The following NRXN1 variants were observed in gnomAD, a reference collection of about 807,000 sequenced individuals.
The protein encoded by NRXN1 is neurexin-1.
NRXN1 carries 39 observed loss-of-function variants against 150.9 expected under a neutral mutation model. The ratio of observed to expected loss-of-function variants is 0.26; its 90% CI spans 0.20 to 0.34. The LOEUF is 0.34. NRXN1 is among the 10% of genes least tolerant of loss of function. The probability of loss-of-function intolerance (pLI) is 1.00; values close to 1 mark genes in which losing one functional copy is unlikely to be tolerated. For synonymous variants in NRXN1, 924 were observed against 757.0 expected, an observed-to-expected ratio of 1.22 and a Z score of -3.62; for missense variants, 1,815 against 1,949.9, an observed-to-expected ratio of 0.93 and a Z score of 1.30.
intron 22 of NRXN1, among the ~76,000 whole-genome samples, chr2:49,927,436 C>G (rs1038263235): frequency 6.6e-6 from 1 of 152,076 alleles, no homozygotes; most frequent in Non-Finnish European, 1.5e-5. Context: ...CTAATCACAC[C>G]TTAGCATATG....
At chr2:50,688,806 C>T (rs1208683954) in intron 5 of NRXN1, among the ~76,000 whole-genome samples, 3 of 152,132 alleles carry the variant, frequency 2.0e-5, no homozygotes, top group East Asian at 1.9e-4. Context: ...ACTGATTATA[C>T]CATCAGTCCA....
intron 18 of NRXN1, among the ~76,000 whole-genome samples, chr2:50,096,888 C>T (rs1010333741): frequency 2.6e-5 from 4 of 152,156 alleles, no homozygotes; most frequent in Non-Finnish European, 5.9e-5. Flanking sequence ...ATAACATATG[C>T]ACTTGTAAGT....
intron 18 of NRXN1, among the ~76,000 whole-genome samples, chr2:50,230,179 C>T (rs1170593353): frequency 1.3e-5 from 2 of 152,062 alleles, no homozygotes; most frequent in East Asian, 3.9e-4. Flanking sequence ...ACCCTGAAAA[C>T]ACTCACTATT....
chr2:50,549,132 T>A (rs72882097), intron 9 of NRXN1, among the ~76,000 whole-genome samples: 12,888 of 152,144 alleles, frequency 0.085, 646 homozygotes, highest in Middle Eastern at 0.16. Context: ...GAAATTTCCA[T>A]GTTTCTTAGT....
intron 5 of NRXN1, among the ~76,000 whole-genome samples, chr2:50,868,163 A>G (rs1677220779): frequency 1.3e-5 from 1 of 76,768 alleles, no homozygotes; most frequent in Non-Finnish European, 2.9e-5. Context: ...ATATATATAT[A>G]TATATATATA....
chr2:50,447,456 G>C (rs2086521315), intron 17 of NRXN1, among the ~76,000 whole-genome samples: 1 of 127,216 alleles, frequency 7.9e-6, no homozygotes, highest in African/African-American at 3.1e-5. Flanking sequence ...CTCCAGCCTG[G>C]GTGACAGAGT....
chr2:50,934,472 A>G (rs1230451468), intron 2 of NRXN1, among the ~76,000 whole-genome samples: 1 of 152,176 alleles, frequency 6.6e-6, no homozygotes, highest in East Asian at 1.9e-4. Context: ...ATGTAACCAC[A>G]GAGACATATG....
intron 2 of NRXN1, among the ~76,000 whole-genome samples, chr2:51,010,546 C>T (rs12616790): frequency 0.098 from 14,936 of 151,936 alleles, 1,411 homozygotes; most frequent in East Asian, 0.44. Context: ...TTCACTATTA[C>T]AGACAACATG....
intron 5 of NRXN1, among the ~76,000 whole-genome samples, chr2:50,682,655 A>G (rs1690576211): frequency 6.6e-6 from 1 of 152,180 alleles, no homozygotes; most frequent in Admixed American, 6.6e-5. Context: ...CCTCATTATC[A>G]GAAGATAAAA....
Position 50,649,249 on chromosome 2 carries a change from C to T in NRXN1, c.833-25634G>A, listed in dbSNP as rs1245646920. On this transcript the variant is annotated intron_variant, in intron 5 of 22. Transcript: ENST00000401669. ...AATTAGGTACAAGCATGTATACACACATACACACATACACACACACACACA... is the reference window on the plus strand; with the variant it reads ...AATTAGGTACAAGCATGTATACACATATACACACATACACACACACACACA... Among the ~76,000 whole-genome samples, 3 of 98,742 alleles carry T rather than the reference C, an allele frequency of 3.0e-5. No individual in the cohort carries two copies. In the East Asian group the frequency reaches 9.1e-4, roughly 30 times the overall value. The allele number at this position is 98,742 out of a possible 152,430, so 64.8% of individuals were successfully genotyped here. A position where few individuals can be genotyped will look rare whatever the true frequency, so the allele number is the denominator to read the frequency against.
chr2:50,427,034 C>G (rs763056672), intron 17 of NRXN1, among the ~76,000 whole-genome samples: 2 of 152,172 alleles, frequency 1.3e-5, no homozygotes, highest in Non-Finnish European at 2.9e-5. Context: ...AGTGCTGCCA[C>G]TCTTTACTGT....
intron 17 of NRXN1, among the ~76,000 whole-genome samples, chr2:50,278,895 A>G (rs1413860439): frequency 6.6e-6 from 1 of 152,234 alleles, no homozygotes; most frequent in East Asian, 1.9e-4. Context: ...ATAATCTAGA[A>G]GTAGAGATTT....
intron 17 of NRXN1, among the ~76,000 whole-genome samples, chr2:50,334,750 G>A (rs184261203): frequency 3.3e-5 from 5 of 152,258 alleles, no homozygotes; most frequent in South Asian, 2.1e-4. Context: ...CTAGAAAATC[G>A]CCTTCATTTT....
intron 18 of NRXN1, among the ~76,000 whole-genome samples, chr2:50,112,413 T>A (rs1702494570): frequency 6.6e-6 from 1 of 152,232 alleles, no homozygotes; most frequent in African/African-American, 2.4e-5. Flanking sequence ...GGTCCCTTCG[T>A]TGTTCAGCCT....
At chr2:50,226,699 C>T (rs988960832) in intron 18 of NRXN1, among the ~76,000 whole-genome samples, 2 of 151,912 alleles carry the variant, frequency 1.3e-5, no homozygotes, top group African/African-American at 4.8e-5. Flanking sequence ...GGTTCTCTAT[C>T]AGAACTAGAA....
At chr2:50,243,066 C>T (rs760599317) in intron 17 of NRXN1, among the ~76,000 whole-genome samples, 27 of 151,774 alleles carry the variant, frequency 1.8e-4, no homozygotes, top group African/African-American at 5.8e-4. Context: ...TACAAAGTTA[C>T]GGTTAGATAG....
At chr2:49,936,282 A>G (rs1251394911) in intron 22 of NRXN1, among the ~76,000 whole-genome samples, 1 of 152,208 alleles carries the variant, frequency 6.6e-6, no homozygotes, top group Non-Finnish European at 1.5e-5. Flanking sequence ...TCTAATACCT[A>G]AAGAGACTGT....
At chr2:50,136,340 T>C (rs1706409164) in intron 18 of NRXN1, among the ~76,000 whole-genome samples, 1 of 152,194 alleles carries the variant, frequency 6.6e-6, no homozygotes, top group Non-Finnish European at 1.5e-5. Context: ...TTCATTTAAA[T>C]GGTTACTCAG....
intron 13 of NRXN1, among the ~76,000 whole-genome samples, chr2:50,503,463 C>G: frequency 6.8e-6 from 1 of 147,060 alleles, no homozygotes; most frequent in Middle Eastern, 3.6e-3. Context: ...CATAAGATAG[C>G]GTAATTATGA....
Sources: gnomAD v4.1 joint callset for allele counts (sites outside exome capture counted in the v4.1 genomes callset) on GRCh38, gnomAD v4.1.1 for gene constraint, MANE v1.5 for transcripts, NCBI Gene and HGNC (gene_info 2026-07-23, HGNC 2026-07-21) for gene names.